The following ZDHHC18 variants were observed in gnomAD, a reference collection of about 807,000 sequenced individuals.
ZDHHC18 encodes the protein zDHHC palmitoyltransferase 18.
ZDHHC18 carries 23 observed loss-of-function variants against 37.5 expected under a neutral mutation model. The ratio of observed to expected loss-of-function variants is 0.61; its 90% CI spans 0.44 to 0.87. ZDHHC18 has a LOEUF of 0.87. Among genes scored for constraint, ZDHHC18 ranks in the 40% least tolerant of loss-of-function variants. The pLI is 0.00. For synonymous variants in ZDHHC18, 185 were observed against 218.7 expected, an observed-to-expected ratio of 0.85 and a Z score of 1.36; for missense variants, 406 against 525.6, an observed-to-expected ratio of 0.77 and a Z score of 2.22.
rs1213862529 is a variant in ZDHHC18 at position 26,855,138 on chromosome 1, G to C, written c.*1295G>C. ...GAGGCTTCCAGCTGGGACCTGCCCAGACAGGCTGAGCCTGGGCGTGGTGGG... is the reference window on the plus strand; with the variant it reads ...GAGGCTTCCAGCTGGGACCTGCCCACACAGGCTGAGCCTGGGCGTGGTGGG... On this transcript the variant is annotated 3_prime_UTR_variant, in exon 8 of 8. Transcript: ENST00000374142. The C allele has an allele frequency of 6.6e-6, 1 of 152,356 alleles. No homozygotes were observed. Among genetic ancestry groups the C allele is most frequent in the East Asian group, 1.9e-4 (1 of 5,206 alleles). 9.4% of individuals were successfully genotyped at this position (152,356 alleles called of 1,614,324 possible). A position where few individuals can be genotyped will look rare whatever the true frequency, so the allele number is the denominator to read the frequency against.
Position 26,827,093 on chromosome 1 carries a change from A to G in ZDHHC18, c.289A>G (p.Thr97Ala), listed in dbSNP as rs921590408. Residue 97 changes from threonine (T) to alanine (A), a missense_variant, in exon 1 of 8, where the codon ACG becomes GCG. Physicochemically the swap from Thr to Ala is moderately conservative, Grantham distance 58. Transcript: ENST00000374142. ...CGGCCACGGCGGCGTCTTCGCGCTC[A>G]CGCTGCTGCTCATCCTCACCACCAC... ...LAGHGGVFAL[T>A]LLLILTTTGL... The G allele has an allele frequency of 8.6e-6, 12 of 1,400,704 alleles. No homozygotes were observed. The highest frequency in any genetic ancestry group is 1.5e-5 in the African/African-American group (1 of 66,572). The allele number at this position is 1,400,704 out of a possible 1,614,324, so 86.8% of individuals were successfully genotyped here. A position where few individuals can be genotyped will look rare whatever the true frequency, so the allele number is the denominator to read the frequency against.
rs1480397910 is a variant in ZDHHC18, at chr1:26,854,008, C to G, written c.*165C>G. The G allele has an allele frequency of 1.5e-6, 1 of 655,072 alleles. No homozygotes were observed. The highest frequency in any genetic ancestry group is 2.6e-6 in the Non-Finnish European group (1 of 382,132). 40.6% of individuals were successfully genotyped at this position (655,072 alleles called of 1,614,324 possible). ...TTCCCTGAACTGTTCCGTGGCTGTG[C>G]CCTCTGCTCCCCAAACCCAGGTTCC... On this transcript the variant is annotated 3_prime_UTR_variant, in exon 8 of 8. Transcript: ENST00000374142. The surrounding 1 kb of genome is among the most constrained non-coding windows in gnomAD (Gnocchi z 4.6).
At chr1:26,834,699 A>G (rs2081603299) in intron 2 of ZDHHC18, among the ~76,000 whole-genome samples, 1 of 152,236 alleles carries the variant, frequency 6.6e-6, no homozygotes, top group Non-Finnish European at 1.5e-5. Flanking sequence ...TGGCTAAATG[A>G]GTAAATGAAT....
At position 26,848,649 on chromosome 1, in the gene ZDHHC18, C is replaced by T. The variant is rs767654276; in HGVS notation, c.538C>T (p.Arg180Trp). The change falls in exon 3 of 8, where the codon CGG becomes TGG. Residue 180 changes from arginine to tryptophan, a missense_variant. By Grantham distance (101) the Arg-to-Trp change is moderately radical (BLOSUM62 -3). Transcript: ENST00000374142. ...TACATACCGGCCACCCCCTCGGACCCGGGAGGTGCTGATCAACGGGCAGAT... is the reference window on the plus strand; with the variant it reads ...TACATACCGGCCACCCCCTCGGACCTGGGAGGTGCTGATCAACGGGCAGAT... ...SSTYRPPPRT[R>W]EVLINGQMVK... is the part of the protein sequence containing the mutation. The T allele has an allele frequency of 4.3e-5, 69 of 1,613,966 alleles. No homozygotes were observed. The South Asian group carries it at 5.9e-4, about 14-fold the overall frequency.
In ZDHHC18 at chr1:26,854,787, G is replaced by C. The variant is rs1163419457; in HGVS notation, c.*944G>C. On this transcript the variant is annotated 3_prime_UTR_variant, in exon 8 of 8. Transcript: ENST00000374142. The surrounding 1 kb of genome is among the most constrained non-coding windows in gnomAD (Gnocchi z 4.6). ...CAGGTGAAGGGTTATCAGAAGGCTG[G>C]TTGGTTTTAATAAGTTTATTCCAAG... 6.6e-6 allele frequency: 1 copy of C among 152,608 alleles called. No individual in the cohort carries two copies. Among genetic ancestry groups the C allele is most frequent in the African/African-American group, 2.4e-5 (1 of 41,430 alleles). The allele number at this position is 152,608 out of a possible 1,614,324, so 9.5% of individuals were successfully genotyped here. A position where few individuals can be genotyped will look rare whatever the true frequency, so the allele number is the denominator to read the frequency against.
intron 5 of ZDHHC18, 95 bp from the exon 6 acceptor site, chr1:26,851,034 G>T: frequency 8.1e-7 from 1 of 1,228,028 alleles, no homozygotes; most frequent in Admixed American, 1.8e-5. Flanking sequence ...TCAGCTCTCT[G>T]GGGAAACAGC....
At chr1:26,832,297 A>G in intron 1 of ZDHHC18, 150 bp from the exon 2 acceptor site, 2 of 924,192 alleles carry the variant, frequency 2.2e-6, no homozygotes, top group Non-Finnish European at 1.7e-6. Context: ...GGCTGCACTC[A>G]TCAAGGAGCT....
At chr1:26,837,967 T>G (rs373620202) in intron 2 of ZDHHC18, among the ~76,000 whole-genome samples, 53 of 151,778 alleles carry the variant, frequency 3.5e-4, no homozygotes, top group African/African-American at 1.2e-3. Flanking sequence ...TTCTTTCTGA[T>G]CCAGCTTTGC....
intron 2 of ZDHHC18, among the ~76,000 whole-genome samples, chr1:26,843,593 A>G (rs535702174): frequency 2.0e-5 from 3 of 149,920 alleles, no homozygotes; most frequent in South Asian, 2.2e-4. Flanking sequence ...GTTCGAGACC[A>G]GCCTGGCCAA....
intron 2 of ZDHHC18, among the ~76,000 whole-genome samples, chr1:26,836,117 G>A (rs2081610231): frequency 1.3e-5 from 2 of 152,234 alleles, no homozygotes; most frequent in South Asian, 2.1e-4. Flanking sequence ...CAGTTGGGAA[G>A]AGCAATATTG....
At position 26,826,778 on chromosome 1, in the gene ZDHHC18, G is replaced by A; in HGVS notation, c.-27G>A. The A allele has an allele frequency of 1.0e-6, 1 of 970,706 alleles. No individual in the cohort carries two copies. The highest frequency in any genetic ancestry group is 1.2e-6 in the Non-Finnish European group (1 of 818,764). The allele number at this position is 970,706 out of a possible 1,614,324, so 60.1% of individuals were successfully genotyped here. On this transcript the variant is annotated 5_prime_UTR_variant, in exon 1 of 8. Coordinates refer to ENST00000374142, the MANE Select transcript of ZDHHC18 (RefSeq NM_032283.3). This position sits in a 1 kb window ranked among gnomAD's most constrained non-coding sequence, Gnocchi z 5.2. ...GAGTGGCCCGGCCGGCCCGCGGGGC[G>A]CGGAGCCGAGGCCCGCGGCTGGCTG...
At chr1:26,836,845 G>A (rs1455395361) in intron 2 of ZDHHC18, among the ~76,000 whole-genome samples, 1 of 148,552 alleles carries the variant, frequency 6.7e-6, no homozygotes, top group Non-Finnish European at 1.5e-5. Context: ...TGGGATTACA[G>A]GCATGAGCCA....
At chr1:26,840,982 TGGGGGGAG>T (rs1330618772) in intron 2 of ZDHHC18, among the ~76,000 whole-genome samples, 7 of 73,844 alleles carry the variant, frequency 9.5e-5, no homozygotes, top group African/African-American at 3.7e-4. Flanking sequence ...GCTAATTTTT[TGGGGGGAG>T]GGGGGGACAG....
Position 26,848,722 on chromosome 1 carries a change from G to A in ZDHHC18, c.611G>A (p.Arg204Gln), listed in dbSNP as rs371067615. ...ACCTGCAAGATGTTCCGGCCACCCC[G>A]AACCTCACACTGCAGTGTCTGCGAC... ...CFTCKMFRPP[R>Q]TSHCSVCDNC... Residue 204 changes from arginine (R) to glutamine (Q), a missense_variant, in exon 3 of 8, where the codon CGA (arginine) becomes CAA (glutamine). Transcript: ENST00000374142. The A allele has an allele frequency of 1.1e-5, 18 of 1,613,956 alleles. No individual in the cohort carries two copies. Among genetic ancestry groups the A allele is most frequent in the Non-Finnish European group, 1.5e-5 (18 of 1,179,926 alleles).
chr1:26,830,680 G>A (rs535496875), intron 1 of ZDHHC18, among the ~76,000 whole-genome samples: 1 of 152,290 alleles, frequency 6.6e-6, no homozygotes, highest in Admixed American at 6.5e-5. Flanking sequence ...CGTCCTTGGT[G>A]CCAGGTGCTG....
At position 26,853,756 on chromosome 1, in the gene ZDHHC18, C is replaced by T. The variant is rs547139161; in HGVS notation, c.1080C>T (p.Ser360=). Residue 360 remains serine, a synonymous_variant, in exon 8 of 8, where the codon TCC becomes TCT. Transcript: ENST00000374142. The part of the protein sequence containing the change: ...SLIDRRGFVQ[S]DTVLPSPIRS... ...TTGACCGGAGGGGATTTGTGCAGTC[C>T]GACACCGTGTTGCCCTCACCCATCA... 6.2e-5 allele frequency: 100 copies of T among 1,614,044 alleles called. No homozygotes were observed. In the South Asian group the frequency reaches 8.8e-4, roughly 14 times the overall value.
chr1:26,832,714 G>C (rs2081593818), intron 2 of ZDHHC18, 107 bp downstream of exon 2: 1 of 1,366,720 alleles, frequency 7.3e-7, no homozygotes, highest in Non-Finnish European at 9.9e-7. Context: ...AACTGGGGAT[G>C]CAGTCGTGAG....
chr1:26,828,020 G>A (rs918741059), intron 1 of ZDHHC18, among the ~76,000 whole-genome samples: 5 of 152,122 alleles, frequency 3.3e-5, no homozygotes, highest in Admixed American at 2.6e-4. Context: ...GAGTGCTTTC[G>A]TGTGACAGGT....
chr1:26,840,970 C>G (rs1355213620), intron 2 of ZDHHC18, among the ~76,000 whole-genome samples: 1 of 140,452 alleles, frequency 7.1e-6, no homozygotes, highest in Non-Finnish European at 1.5e-5. Flanking sequence ...ATGCCACATA[C>G]AGCTAATTTT....
Sources: allele counts gnomAD v4.1 joint callset (sites outside exome capture counted in the v4.1 genomes callset), GRCh38; gene constraint gnomAD v4.1.1; non-coding constraint Gnocchi (gnomAD v3.1); transcripts MANE v1.5; gene names NCBI Gene and HGNC (gene_info 2026-07-23, HGNC 2026-07-21).